Variants in SORL1-AS1 observed in about 807,000 individuals in gnomAD.
SORL1-AS1 encodes SORL1 antisense RNA 1, also known as lncRNA 51 A.
chr11:121,447,186 A>G (rs1860735455), downstream of SORL1-AS1: 1 of 152,078 alleles, frequency 6.6e-6, no homozygotes, highest in Non-Finnish European at 1.5e-5. Context: ...AGAAACTTCT[A>G]GGTTCCCGCT....
rs764615238 is a variant in SORL1-AS1, at chr11:121,450,207, G to GA, written n.340-309dup. Among the ~76,000 whole-genome samples, 2 of 152,158 alleles carry GA rather than the reference G, an allele frequency of 1.3e-5. No individual in the cohort carries two copies. The highest frequency in any genetic ancestry group is 6.5e-5 in the Admixed American group (1 of 15,278). ...GAAGGTTCTCATTAAATATATGTTG[G>GA]AAAAACCCCAATAATTGAATCATCT... is the stretch of plus-strand genomic sequence containing the variant. On this transcript the variant is annotated intron_variant and non_coding_transcript_variant, in intron 1 of 1. Coordinates refer to ENST00000501964, the Ensembl canonical transcript of SORL1-AS1. The surrounding 1 kb of genome is among the most constrained non-coding windows in gnomAD (Gnocchi z 5.2).
At chr11:121,441,547 A>AAAAAAAAAAAAAAC in the SORL1-AS1 span, among the ~76,000 whole-genome samples, 1 of 150,916 alleles carries the variant, frequency 6.6e-6, no homozygotes, top group Non-Finnish European at 1.5e-5. Context: ...AAAAAAAAAA[A>AAAAAAAAAAAAAAC]AAAGAATAAG....
chr11:121,439,417 C>A, the SORL1-AS1 span, among the ~76,000 whole-genome samples: 2,171 of 151,684 alleles, frequency 0.014, 60 homozygotes, highest in African/African-American at 0.049. Context: ...TGTTTAAAAA[C>A]ATTGATTGTC....
At chr11:121,446,698 C>T (rs1358836905), downstream of SORL1-AS1, among the ~76,000 whole-genome samples, 2 of 150,706 alleles carry the variant, frequency 1.3e-5, no homozygotes, top group Non-Finnish European at 2.9e-5. Flanking sequence ...TTGCAGTGAG[C>T]TGAGATTGCA....
rs1028307356 is a variant in SORL1-AS1 at position 121,452,274 on chromosome 11, C to T, written n.339+401G>A. 1.2e-5 allele frequency: 16 copies of T among 1,374,702 alleles called. No individual in the cohort carries two copies. Among genetic ancestry groups the T allele is most frequent in the Non-Finnish European group, 1.4e-5 (15 of 1,051,834 alleles). The allele number at this position is 1,374,702 out of a possible 1,614,324, so 85.2% of individuals were successfully genotyped here. A position where few individuals can be genotyped will look rare whatever the true frequency, so the allele number is the denominator to read the frequency against. ...GTCCCGGCCCAGCGGCTCTCCTGGCCTCGCGCTGCACATTCTCTCCTGGCG... is the reference window on the plus strand; with the variant it reads ...GTCCCGGCCCAGCGGCTCTCCTGGCTTCGCGCTGCACATTCTCTCCTGGCG... On this transcript the variant is annotated intron_variant and non_coding_transcript_variant, in intron 1 of 1. Transcript: ENST00000501964. This position sits in a 1 kb window ranked among gnomAD's most constrained non-coding sequence, Gnocchi z 5.3.
Position 121,452,709 on chromosome 11 carries a change from G to T in SORL1-AS1, n.305C>A. The T allele has an allele frequency of 1.7e-6, 2 of 1,188,500 alleles. No individual in the cohort carries two copies. The highest frequency in any genetic ancestry group is 2.2e-6 in the Non-Finnish European group (2 of 907,450). 73.6% of individuals were successfully genotyped at this position (1,188,500 alleles called of 1,614,324 possible). A position where few individuals can be genotyped will look rare whatever the true frequency, so the allele number is the denominator to read the frequency against. On this transcript the variant is annotated non_coding_transcript_exon_variant, in exon 1 of 2. Coordinates refer to ENST00000501964, the Ensembl canonical transcript of SORL1-AS1. The surrounding 1 kb of genome is among the most constrained non-coding windows in gnomAD (Gnocchi z 5.3). ...CATCCGTTGCAGTCGCCTCCTAGGT[G>T]CAGGCACCACTGGGGACTTCCCGGC... is the stretch of plus-strand genomic sequence containing the variant.
chr11:121,449,534 C>T (rs188399734), exon 2 of SORL1-AS1: 1 of 152,260 alleles, frequency 6.6e-6, no homozygotes, highest in East Asian at 1.9e-4. Flanking sequence ...TTTCATTTAA[C>T]TTATGAAGAA....
rs1860801273 is a variant in SORL1-AS1 at position 121,452,053 on chromosome 11, A to C, written n.339+622T>G. 2 of 152,128 alleles carry C rather than the reference A, an allele frequency of 1.3e-5. No homozygotes were observed. The highest frequency in any genetic ancestry group is 4.1e-4 in the South Asian group (2 of 4,834). The allele number at this position is 152,128 out of a possible 1,614,324, so 9.4% of individuals were successfully genotyped here. A position where few individuals can be genotyped will look rare whatever the true frequency, so the allele number is the denominator to read the frequency against. ...CGGCGCTCGCTGCCTTAACTTCCCC[A>C]TCCCCGCGCCAGGGAGGGGCCGGAG... On this transcript the variant is annotated intron_variant and non_coding_transcript_variant, in intron 1 of 1. Coordinates refer to ENST00000501964, the Ensembl canonical transcript of SORL1-AS1. This position sits in a 1 kb window ranked among gnomAD's most constrained non-coding sequence, Gnocchi z 5.3.
chr11:121,452,508 G>A lies in SORL1-AS1; in HGVS notation n.339+167C>T, dbSNP rs35972846. The A allele has an allele frequency of 6.8e-7, 1 of 1,479,304 alleles. No homozygotes were observed. Among genetic ancestry groups the A allele is most frequent in the Non-Finnish European group, 8.9e-7 (1 of 1,118,864 alleles). The allele number at this position is 1,479,304 out of a possible 1,614,324, so 91.6% of individuals were successfully genotyped here. A position where few individuals can be genotyped will look rare whatever the true frequency, so the allele number is the denominator to read the frequency against. On this transcript the variant is annotated intron_variant and non_coding_transcript_variant, in intron 1 of 1. Transcript: ENST00000501964. This position sits in a 1 kb window ranked among gnomAD's most constrained non-coding sequence, Gnocchi z 5.3. Reference sequence around the variant, plus strand: ...TGCAGGGCGACCCGCGCGAGCTGCGGCTGTGGGCGCGCGGGGATGCCAGGG... The same window carrying A: ...TGCAGGGCGACCCGCGCGAGCTGCGACTGTGGGCGCGCGGGGATGCCAGGG...
Position 121,450,233 on chromosome 11 carries a change from A to G in SORL1-AS1, n.340-334T>C, listed in dbSNP as rs1168720548. ...AAAAACCCCAATAATTGAATCATCT[A>G]CAGGATGTTCTCACTTTAGCCATAT... On this transcript the variant is annotated intron_variant and non_coding_transcript_variant, in intron 1 of 1. Coordinates refer to ENST00000501964, the Ensembl canonical transcript of SORL1-AS1. This position sits in a 1 kb window ranked among gnomAD's most constrained non-coding sequence, Gnocchi z 5.2. Among the ~76,000 whole-genome samples the G allele has an allele frequency of 1.3e-5, 2 of 152,164 alleles. No individual in the cohort carries two copies. Among genetic ancestry groups the G allele is most frequent in the Non-Finnish European group, 2.9e-5 (2 of 68,042 alleles).
rs1860805661 is a variant in SORL1-AS1 at position 121,452,190 on chromosome 11, C to A, written n.339+485G>T. ...GGGACCTGGCGGCAGCGGCGGCGGG[C>A]GCAGCGGGGCGGCCCGGAGCGGCGC... is the stretch of plus-strand genomic sequence containing the variant. On this transcript the variant is annotated intron_variant and non_coding_transcript_variant, in intron 1 of 1. Coordinates refer to ENST00000501964, the Ensembl canonical transcript of SORL1-AS1. The surrounding 1 kb of genome is among the most constrained non-coding windows in gnomAD (Gnocchi z 5.3). 6.4e-6 allele frequency: 2 copies of A among 310,604 alleles called. No homozygotes were observed. Among genetic ancestry groups the A allele is most frequent in the South Asian group, 1.1e-4 (1 of 8,840 alleles). 19.2% of individuals were successfully genotyped at this position (310,604 alleles called of 1,614,324 possible). A position where few individuals can be genotyped will look rare whatever the true frequency, so the allele number is the denominator to read the frequency against.
At chr11:121,439,384 G>A in the SORL1-AS1 span, among the ~76,000 whole-genome samples, 1,037 of 151,526 alleles carry the variant, frequency 6.8e-3, 9 homozygotes, top group African/African-American at 0.024. Flanking sequence ...TCTTTTATGT[G>A]GTGTTTATCG....
chr11:121,450,686 A>G lies in SORL1-AS1; in HGVS notation n.340-787T>C, dbSNP rs1368805711. On this transcript the variant is annotated intron_variant and non_coding_transcript_variant, in intron 1 of 1. Transcript: ENST00000501964. This position sits in a 1 kb window ranked among gnomAD's most constrained non-coding sequence, Gnocchi z 5.2. ...TTTTGATACCTGTATACAATGTATA[A>G]TGAACAAAGCAGGGTGGTTAACATA... is the stretch of plus-strand genomic sequence containing the variant. Among the ~76,000 whole-genome samples the G allele has an allele frequency of 6.6e-6, 1 of 152,182 alleles. No individual in the cohort carries two copies. The highest frequency in any genetic ancestry group is 1.9e-4 in the East Asian group (1 of 5,200).
chr11:121,452,601 C>T lies in SORL1-AS1; in HGVS notation n.339+74G>A. On this transcript the variant is annotated intron_variant and non_coding_transcript_variant, in intron 1 of 1. Transcript: ENST00000501964. This position sits in a 1 kb window ranked among gnomAD's most constrained non-coding sequence, Gnocchi z 5.3. ...GCGCTGCCCTGCAGCCCGAGCCCAT[C>T]AAGGTGTACGGACAGGTGAGCAGTT... is the stretch of plus-strand genomic sequence containing the variant. 6.6e-7 allele frequency: 1 copy of T among 1,516,836 alleles called. No homozygotes were observed. 94.0% of individuals were successfully genotyped at this position (1,516,836 alleles called of 1,614,324 possible).
downstream of SORL1-AS1, among the ~76,000 whole-genome samples, chr11:121,444,096 GT>G (rs1422672106): frequency 3.9e-5 from 4 of 103,250 alleles, no homozygotes; most frequent in Non-Finnish European, 8.5e-5. Context: ...GTGCGCGTGG[GT>G]GTGTGTGTGT....
rs1860822879 is a variant in SORL1-AS1, at chr11:121,452,655, C to G, written n.339+20G>C. The G allele has an allele frequency of 7.1e-7, 1 of 1,412,114 alleles. No individual in the cohort carries two copies. Among genetic ancestry groups the G allele is most frequent in the Non-Finnish European group, 9.2e-7 (1 of 1,084,414 alleles). The allele number at this position is 1,412,114 out of a possible 1,614,324, so 87.5% of individuals were successfully genotyped here. The stretch of plus-strand genomic sequence containing the variant: ...CAACCCGCCTCCCTCCAGTTTTTTC[C>G]TCTCCCTGCACTTCCTCACCCCCGC... On this transcript the variant is annotated intron_variant and non_coding_transcript_variant, in intron 1 of 1. Coordinates refer to ENST00000501964, the Ensembl canonical transcript of SORL1-AS1. The surrounding 1 kb of genome is among the most constrained non-coding windows in gnomAD (Gnocchi z 5.3).
downstream of SORL1-AS1, among the ~76,000 whole-genome samples, chr11:121,443,884 T>C (rs886853032): frequency 2.6e-5 from 4 of 152,348 alleles, no homozygotes; most frequent in Admixed American, 2.6e-4. Flanking sequence ...AGCTGTTGAA[T>C]TCATCTGGTC....
downstream of SORL1-AS1, among the ~76,000 whole-genome samples, chr11:121,444,268 C>T (rs1035650424): frequency 3.7e-4 from 57 of 152,124 alleles, no homozygotes; most frequent in South Asian, 2.1e-4. Flanking sequence ...ATTGATTTAC[C>T]AACAATACCT....
At chr11:121,445,190 G>A (rs1055416185), downstream of SORL1-AS1, among the ~76,000 whole-genome samples, 3 of 152,222 alleles carry the variant, frequency 2.0e-5, no homozygotes, top group African/African-American at 4.8e-5. Context: ...ATGACACCAC[G>A]TAAAATTTCC....
Sources: gnomAD v4.1 joint callset for allele counts (sites outside exome capture counted in the v4.1 genomes callset) on GRCh38, gnomAD v4.1.1 for gene constraint, Gnocchi (gnomAD v3.1) non-coding constraint, MANE v1.5 for transcripts, NCBI Gene and HGNC (gene_info 2026-07-23, HGNC 2026-07-21) for gene names.